Variants in LRRC9 observed in about 807,000 individuals in gnomAD.
The protein encoded by LRRC9 is leucine rich repeat containing 9.
A neutral mutation model predicts 63.2 loss-of-function variants in LRRC9; 122 were observed. The observed-to-expected ratio is 1.93, with a 90% CI of 1.67 to 2.24. LRRC9 has a LOEUF of 2.24. LRRC9 is among the 30% of genes most tolerant of loss of function. LRRC9 has a pLI of 0.00. For synonymous variants in LRRC9, 366 were observed against 213.1 expected (o/e 1.72, Z -6.25); for missense variants, 1,071 against 627.7 (o/e 1.71, Z -7.55).
rs1409807246 is a variant in LRRC9, at chr14:59,971,016, G to A, written c.1507-3560G>A. Among the ~76,000 whole-genome samples, 3 of 152,026 alleles carry A rather than the reference G, an allele frequency of 2.0e-5. 1 individual carries two copies. The highest frequency in any genetic ancestry group is 2.9e-5 in the Non-Finnish European group (2 of 67,978). ...TTTGCCCATTCCTACGTCCAGAATGGTATTGCCTATGTTGTGTGAGGGTTT... is the reference window on the plus strand; with the variant it reads ...TTTGCCCATTCCTACGTCCAGAATGATATTGCCTATGTTGTGTGAGGGTTT... On this transcript the variant is annotated intron_variant, in intron 12 of 31. Transcript: ENST00000445360.
chr14:59,989,996 C>T lies in LRRC9; in HGVS notation c.2211+4772C>T, dbSNP rs140401405. ...AGGCTGAAGTGCAGTGGCGCAATCT[C>T]GGCTCACCGCAACATCCACCTCCTG... On this transcript the variant is annotated intron_variant, in intron 17 of 31. Transcript: ENST00000445360. 3.6e-3 allele frequency among the ~76,000 whole-genome samples: 536 copies of T among 149,402 alleles called. 6 individuals are homozygous for T. The highest frequency in any genetic ancestry group is 0.013 in the African/African-American group (506 of 40,454).
Position 59,922,303 on chromosome 14 carries a change from T to C in LRRC9, c.-34+2420T>C, listed in dbSNP as rs1888855030. On this transcript the variant is annotated intron_variant, in intron 1 of 31. Coordinates refer to ENST00000445360, the Ensembl canonical transcript of LRRC9. The surrounding 1 kb of genome is among the most constrained non-coding windows in gnomAD (Gnocchi z 5.3). Reference sequence around the variant, plus strand: ...GGCCATTAGAAGGTTATTTTTGACCTTGTAGTGGCTTGAGGTGTTCTCAGT... The same window carrying C: ...GGCCATTAGAAGGTTATTTTTGACCCTGTAGTGGCTTGAGGTGTTCTCAGT... Among the ~76,000 whole-genome samples the C allele has an allele frequency of 6.6e-6, 1 of 152,160 alleles. No individual in the cohort carries two copies. Among genetic ancestry groups the C allele is most frequent in the Non-Finnish European group, 1.5e-5 (1 of 68,018 alleles).
chr14:59,975,034 C>T (rs1179632167), intron 13 of LRRC9, among the ~76,000 whole-genome samples: 15 of 81,040 alleles, frequency 1.9e-4, no homozygotes, highest in African/African-American at 4.7e-4. Context: ...TGTGTCACAG[C>T]ATATATATAT....
At chr14:59,946,516 T>G (rs35346401) in intron 8 of LRRC9, among the ~76,000 whole-genome samples, 16 of 149,626 alleles carry the variant, frequency 1.1e-4, no homozygotes, top group Non-Finnish European at 2.4e-4. Context: ...TTTTTTTTTT[T>G]AAATTATACT....
At chr14:59,961,148 A>G (rs1884313789) in intron 10 of LRRC9, 103 bp downstream of exon 10, 1 of 505,902 alleles carries the variant, frequency 2.0e-6, no homozygotes, top group Admixed American at 3.7e-5. Context: ...CCCATTTTTG[A>G]AACATTTCTC....
At chr14:60,016,958 T>TG (rs902585240) in intron 24 of LRRC9, among the ~76,000 whole-genome samples, 168 bp downstream of exon 24, 2 of 151,994 alleles carry the variant, frequency 1.3e-5, no homozygotes, top group Admixed American at 6.6e-5. Flanking sequence ...TTTTTTGAGA[T>TG]GGGGTCTCAA....
intron 1 of LRRC9, among the ~76,000 whole-genome samples, chr14:59,925,814 T>C (rs1202678658): frequency 2.6e-5 from 4 of 152,170 alleles, no homozygotes; most frequent in South Asian, 4.1e-4. Context: ...TGGTCTGTAA[T>C]ATGGTTTGGC....
At chr14:59,967,158 A>G in exon 12 of LRRC9, 1 of 647,164 alleles carries the variant, frequency 1.5e-6, no homozygotes, top group Non-Finnish European at 2.9e-6. Flanking sequence ...TCAGTGAAGA[A>G]AAAGCATCTT....
chr14:59,981,093 C>A (rs942411703), intron 15 of LRRC9, among the ~76,000 whole-genome samples: 2 of 151,874 alleles, frequency 1.3e-5, no homozygotes, highest in African/African-American at 4.8e-5. Flanking sequence ...AATTTTTTCT[C>A]TTCTATTTTA....
chr14:60,028,942 A>AT (rs1891771371), intron 28 of LRRC9, among the ~76,000 whole-genome samples: 2 of 151,912 alleles, frequency 1.3e-5, no homozygotes, highest in South Asian at 4.1e-4. Flanking sequence ...TCTGGGGGAG[A>AT]TTTTTTTAAA....
chr14:60,008,219 G>A lies in LRRC9; in HGVS notation c.3186+5G>A. The A allele has an allele frequency of 1.4e-6, 1 of 697,216 alleles. No homozygotes were observed. Among genetic ancestry groups the A allele is most frequent in the South Asian group, 1.5e-5 (1 of 66,550 alleles). 43.2% of individuals were successfully genotyped at this position (697,216 alleles called of 1,614,324 possible). On this transcript the variant is annotated splice_donor_5th_base_variant and intron_variant, in intron 23 of 31. Coordinates refer to ENST00000445360, the Ensembl canonical transcript of LRRC9. ...GCTTTGGATGGGATACCAATTGTAAGTTGATTTATGACTCACAACATTTGG... is the reference window on the plus strand; with the variant it reads ...GCTTTGGATGGGATACCAATTGTAAATTGATTTATGACTCACAACATTTGG...
At chr14:59,954,245 C>A (rs1883485996) in intron 8 of LRRC9, among the ~76,000 whole-genome samples, 1 of 152,162 alleles carries the variant, frequency 6.6e-6, no homozygotes, top group Admixed American at 6.5e-5. Flanking sequence ...CTATAAATTT[C>A]TTTGGGGAGT....
At chr14:60,056,084 C>T (rs562904075) in intron 30 of LRRC9, among the ~76,000 whole-genome samples, 3 of 152,278 alleles carry the variant, frequency 2.0e-5, no homozygotes, top group African/African-American at 7.2e-5. Context: ...TCTCTCTGAC[C>T]TTCTGCCTCC....
chr14:60,035,855 T>G (rs1368063832), intron 29 of LRRC9, among the ~76,000 whole-genome samples: 1 of 152,204 alleles, frequency 6.6e-6, no homozygotes, highest in African/African-American at 2.4e-5. Context: ...TTTATTTCTG[T>G]GAAGAATGTT....
At chr14:59,979,755 G>A (rs1886723310) in intron 15 of LRRC9, among the ~76,000 whole-genome samples, 1 of 148,200 alleles carries the variant, frequency 6.7e-6, no homozygotes, top group African/African-American at 2.5e-5. Flanking sequence ...CTCATAGGTG[G>A]GAATTGAACA....
intron 29 of LRRC9, among the ~76,000 whole-genome samples, chr14:60,033,871 G>T (rs1435489147): frequency 6.6e-6 from 1 of 151,720 alleles, no homozygotes; most frequent in Admixed American, 6.6e-5. Context: ...CTAGAACTCT[G>T]GGCTTAATAT....
chr14:59,991,506 A>G (rs997249277), intron 17 of LRRC9, among the ~76,000 whole-genome samples: 2 of 152,174 alleles, frequency 1.3e-5, no homozygotes, highest in East Asian at 3.9e-4. Flanking sequence ...CGTGAGCCGA[A>G]GCATGGTGAG....
chr14:59,944,625 C>T (rs535168979), exon 8 of LRRC9: 20 of 635,960 alleles, frequency 3.1e-5, no homozygotes, highest in Non-Finnish European at 5.3e-5. Flanking sequence ...TTATAATATG[C>T]GTATAAAAAC....
At chr14:60,019,047 T>C (rs1890915825) in intron 25 of LRRC9, 74 bp from the exon 26 acceptor site, 1 of 576,372 alleles carries the variant, frequency 1.7e-6, no homozygotes, top group Non-Finnish European at 3.1e-6. Flanking sequence ...AATTATGTGG[T>C]ATATTCCAAG....
Sources: allele counts gnomAD v4.1 joint callset (sites outside exome capture counted in the v4.1 genomes callset), GRCh38; gene constraint gnomAD v4.1.1; non-coding constraint Gnocchi (gnomAD v3.1); transcripts MANE v1.5; gene names NCBI Gene and HGNC (gene_info 2026-07-23, HGNC 2026-07-21).